PCDHGA10: variants seen among roughly 807,000 people sequenced by gnomAD.
The protein encoded by PCDHGA10 is protocadherin gamma-A10.
A neutral mutation model predicts 59.5 loss-of-function variants in PCDHGA10; 42 were observed. The ratio of observed to expected loss-of-function variants is 0.71; its 90% CI spans 0.55 to 0.91. The LOEUF (loss-of-function observed/expected upper bound fraction) is 0.91. PCDHGA10 is among the 40% of genes least tolerant of loss of function. The pLI, the probability that PCDHGA10 is intolerant of heterozygous loss-of-function variation, is 0.00. For synonymous variants in PCDHGA10, 511 were observed against 517.2 expected (o/e 0.99, Z 0.16); for missense variants, 1,111 against 1,198.2 (o/e 0.93, Z 1.07).
intron 2 of PCDHGA10, among the ~76,000 whole-genome samples, chr5:141,501,331 ACACC>A (rs747366952): frequency 1.4e-5 from 2 of 138,844 alleles, no homozygotes; most frequent in Non-Finnish European, 3.2e-5. Context: ...ACACACACAC[ACACC>A]CCAAACTCAA....
At position 141,485,100 on chromosome 5, in the gene PCDHGA10, C is replaced by G. The variant is rs900224386; in HGVS notation, c.2437-9707C>G. 1.0e-5 allele frequency: 12 copies of G among 1,148,882 alleles called. No homozygotes were observed. Among genetic ancestry groups the G allele is most frequent in the Non-Finnish European group, 1.4e-5 (11 of 778,894 alleles). 71.2% of individuals were successfully genotyped at this position (1,148,882 alleles called of 1,614,324 possible). On this transcript the variant is annotated intron_variant, in intron 1 of 3. Coordinates refer to ENST00000398610, the MANE Select transcript of PCDHGA10 (RefSeq NM_018913.3). This position sits in a 1 kb window ranked among gnomAD's most constrained non-coding sequence, Gnocchi z 5.7. ...GGGAAAGGGAGATAGGTGTCTCCAG[C>G]TGCTGTGGCTGTTTGGGGCGGGTCG...
chr5:141,481,658 T>C (rs910422064), intron 1 of PCDHGA10, among the ~76,000 whole-genome samples: 2 of 150,554 alleles, frequency 1.3e-5, no homozygotes, highest in East Asian at 2.0e-4. Context: ...TCTCTACTAA[T>C]AATACAAAAA....
intron 1 of PCDHGA10, chr5:141,418,363 C>T (rs147423305): frequency 4.4e-4 from 703 of 1,613,984 alleles, no homozygotes; most frequent in Non-Finnish European, 5.5e-4. Flanking sequence ...ATTCGCTGAG[C>T]AAATACCAAC....
chr5:141,483,904 T>A (rs11750647), intron 1 of PCDHGA10, among the ~76,000 whole-genome samples: 24,531 of 151,676 alleles, frequency 0.16, 2,105 homozygotes, highest in African/African-American at 0.21. Context: ...CTCTGGTGTG[T>A]TTCCCACTCA....
At chr5:141,422,013 G>A (rs755656791) in intron 1 of PCDHGA10, 1 of 1,610,536 alleles carries the variant, frequency 6.2e-7, no homozygotes. Context: ...GAACTCGGGT[G>A]CTGATGGTTA....
At position 141,486,449 on chromosome 5, in the gene PCDHGA10, A is replaced by G; in HGVS notation, c.2437-8358A>G. On this transcript the variant is annotated intron_variant, in intron 1 of 3. Coordinates refer to ENST00000398610, the MANE Select transcript of PCDHGA10 (RefSeq NM_018913.3). The surrounding 1 kb of genome is among the most constrained non-coding windows in gnomAD (Gnocchi z 5.0). The stretch of plus-strand genomic sequence containing the variant: ...CAAATCTAGCTATGACATCATGGTC[A>G]CTGCTTCTGATGCTGGGAACCCTCC... The G allele has an allele frequency of 6.2e-7, 1 of 1,614,184 alleles. No homozygotes were observed. Among genetic ancestry groups the G allele is most frequent in the Non-Finnish European group, 8.5e-7 (1 of 1,180,000 alleles).
chr5:141,434,838 A>G (rs1363952147), intron 1 of PCDHGA10, among the ~76,000 whole-genome samples: 1 of 152,022 alleles, frequency 6.6e-6, no homozygotes, highest in Non-Finnish European at 1.5e-5. Context: ...GGCATTTATA[A>G]AGCAGACATC....
intron 1 of PCDHGA10, among the ~76,000 whole-genome samples, chr5:141,460,801 ATATGTATG>A (rs2098998171): frequency 6.6e-6 from 1 of 152,010 alleles, no homozygotes; most frequent in Non-Finnish European, 1.5e-5. Context: ...CAAAGTATAT[ATATGTATG>A]TATACATATA....
intron 1 of PCDHGA10, among the ~76,000 whole-genome samples, chr5:141,457,687 G>A (rs2098927754): frequency 6.6e-6 from 1 of 152,198 alleles, no homozygotes; most frequent in Admixed American, 6.5e-5. Context: ...TAGGACTTTT[G>A]GATTGGCTTT....
At chr5:141,452,421 C>A (rs1211472567) in intron 1 of PCDHGA10, among the ~76,000 whole-genome samples, 2 of 152,180 alleles carry the variant, frequency 1.3e-5, no homozygotes, top group Non-Finnish European at 2.9e-5. Context: ...ATGCTCACTG[C>A]TAATGGGCTG....
chr5:141,474,961 AATC>A (rs2099357151), intron 1 of PCDHGA10, among the ~76,000 whole-genome samples: 1 of 152,254 alleles, frequency 6.6e-6, no homozygotes, highest in African/African-American at 2.4e-5. Flanking sequence ...TCACTATCCT[AATC>A]ATTATAATTT....
rs902208287 is a variant in PCDHGA10 at position 141,413,387 on chromosome 5, T to A, written c.212T>A (p.Val71Asp). Residue 71 changes from valine (V) to aspartate (D), a missense_variant, in exon 1 of 4, where the codon GTC becomes GAC. By Grantham distance (152) the Val-to-Asp change is radical. Coordinates refer to ENST00000398610, the MANE Select transcript of PCDHGA10 (RefSeq NM_018913.3). ...CTGGCGGAGCGCGGAGTCCGCATAG[T>A]CTCCAGAGGTAGGACGCAGCTTTTC... ...RELAERGVRI[V>D]SRGRTQLFSL... The A allele has an allele frequency of 1.2e-6, 2 of 1,613,908 alleles. No individual in the cohort carries two copies. Among genetic ancestry groups the A allele is most frequent in the Non-Finnish European group, 1.7e-6 (2 of 1,179,880 alleles).
intron 1 of PCDHGA10, chr5:141,419,964 T>A (rs151105903): frequency 1.2e-6 from 2 of 1,613,964 alleles, no homozygotes; most frequent in African/African-American, 2.7e-5. Context: ...ATTTCTGTGC[T>A]CTTTCTCCTC....
intron 1 of PCDHGA10, among the ~76,000 whole-genome samples, chr5:141,471,046 CT>C (rs1170588345): frequency 0.24 from 27,253 of 113,216 alleles, 2,739 homozygotes; most frequent in African/African-American, 0.39. Context: ...CCCAAGCCCT[CT>C]TTTTTTTTTT....
At chr5:141,470,306 T>C (rs2099227644) in intron 1 of PCDHGA10, among the ~76,000 whole-genome samples, 1 of 152,222 alleles carries the variant, frequency 6.6e-6, no homozygotes, top group South Asian at 2.1e-4. Flanking sequence ...TTATTCCATT[T>C]TTCCTCAAAT....
At chr5:141,494,099 C>T (rs976610819) in intron 1 of PCDHGA10, among the ~76,000 whole-genome samples, 3 of 152,172 alleles carry the variant, frequency 2.0e-5, no homozygotes, top group South Asian at 2.1e-4. Context: ...CATTTTTCTC[C>T]GTCTCAGACA....
At chr5:141,467,728 C>A (rs2099150053) in intron 1 of PCDHGA10, among the ~76,000 whole-genome samples, 1 of 152,058 alleles carries the variant, frequency 6.6e-6, no homozygotes, top group Admixed American at 6.5e-5. Context: ...GTGGCACAAT[C>A]CCAGCTCGCT....
intron 3 of PCDHGA10, among the ~76,000 whole-genome samples, chr5:141,507,521 C>G (rs2099861196): frequency 6.6e-6 from 1 of 151,972 alleles, no homozygotes; most frequent in African/African-American, 2.4e-5. Flanking sequence ...GGCTATGATT[C>G]CAGAGAGGCC....
Position 141,415,740 on chromosome 5 carries a change from G to T in PCDHGA10, c.2436+129G>T, listed in dbSNP as rs866795513. 9.4e-4 allele frequency: 585 copies of T among 624,884 alleles called. 4 individuals carry two copies. The highest frequency in any genetic ancestry group is 8.0e-3 in the African/African-American group (318 of 39,862). 38.7% of individuals were successfully genotyped at this position (624,884 alleles called of 1,614,324 possible). A position where few individuals can be genotyped will look rare whatever the true frequency, so the allele number is the denominator to read the frequency against. The stretch of plus-strand genomic sequence containing the variant: ...TGAGTAGAATTTGATGTTTATTAAG[G>T]TTTTTTTTTTTTTTTTTTTTTTTTT... On this transcript the variant is annotated intron_variant, in intron 1 of 3. Coordinates refer to ENST00000398610, the MANE Select transcript of PCDHGA10 (RefSeq NM_018913.3).
Sources: gnomAD v4.1 joint callset for allele counts (sites outside exome capture counted in the v4.1 genomes callset) on GRCh38, gnomAD v4.1.1 for gene constraint, Gnocchi (gnomAD v3.1) non-coding constraint, MANE v1.5 for transcripts, NCBI Gene and HGNC (gene_info 2026-07-23, HGNC 2026-07-21) for gene names.